MTHFD2L: variants seen among roughly 807,000 people sequenced by gnomAD.
MTHFD2L encodes methylenetetrahydrofolate dehydrogenase (NADP+ dependent) 2 like.
A neutral mutation model predicts 34.9 loss-of-function variants in MTHFD2L; 29 were observed. The observed-to-expected ratio is 0.83, with a 90% CI of 0.62 to 1.13. The LOEUF is 1.13. MTHFD2L is among the 50% of genes most tolerant of loss of function. The pLI, the probability that MTHFD2L is intolerant of heterozygous loss-of-function variation, is 0.00. For missense variants in MTHFD2L, 481 were observed against 446.5 expected (o/e 1.08, Z -0.70); for synonymous variants, 167 against 155.7 (o/e 1.07, Z -0.54).
chr4:74,133,436 C>T (rs1242924112), intron 1 of MTHFD2L, among the ~76,000 whole-genome samples: 4 of 152,074 alleles, frequency 2.6e-5, no homozygotes, highest in Non-Finnish European at 5.9e-5. Flanking sequence ...CCCTTAAACA[C>T]CAATAATTTT....
At chr4:74,178,428 CTG>C in intron 3 of MTHFD2L, among the ~76,000 whole-genome samples, 1 of 151,954 alleles carries the variant, frequency 6.6e-6, no homozygotes, top group East Asian at 1.9e-4. Context: ...GATTTTATAT[CTG>C]TAGAAATTTT....
At chr4:74,147,601 G>A (rs1327010638) in intron 1 of MTHFD2L, among the ~76,000 whole-genome samples, 1 of 152,136 alleles carries the variant, frequency 6.6e-6, no homozygotes, top group Non-Finnish European at 1.5e-5. Context: ...GTCCTGCCAG[G>A]GAATCCAAGA....
intron 3 of MTHFD2L, among the ~76,000 whole-genome samples, chr4:74,180,288 A>G (rs1435889469): frequency 4.6e-5 from 7 of 152,268 alleles, no homozygotes; most frequent in African/African-American, 1.4e-4. Context: ...GTATAGAAGT[A>G]GATGAATACA....
chr4:74,172,946 G>A (rs763055216), intron 1 of MTHFD2L, among the ~76,000 whole-genome samples: 14 of 152,032 alleles, frequency 9.2e-5, no homozygotes, highest in South Asian at 4.2e-4. Context: ...GTGTGTTGTC[G>A]GATATTTATA....
At chr4:74,279,755 A>G (rs1747186576) in intron 6 of MTHFD2L, among the ~76,000 whole-genome samples, 1 of 152,134 alleles carries the variant, frequency 6.6e-6, no homozygotes, top group African/African-American at 2.4e-5. Flanking sequence ...TTTTATGACT[A>G]TCTGGAGCAA....
At chr4:74,252,589 A>G (rs1479837606) in intron 6 of MTHFD2L, among the ~76,000 whole-genome samples, 1 of 152,200 alleles carries the variant, frequency 6.6e-6, no homozygotes, top group Non-Finnish European at 1.5e-5. Context: ...ATTAATTAGA[A>G]ATATTTAAAA....
upstream of MTHFD2L, among the ~76,000 whole-genome samples, chr4:74,125,142 G>A (rs745459387): frequency 9.2e-5 from 14 of 152,110 alleles, no homozygotes; most frequent in East Asian, 1.9e-4. Flanking sequence ...AGAAAGTTTC[G>A]AAAATGATAA....
chr4:74,293,126 A>G lies in MTHFD2L; in HGVS notation c.932-8571A>G, dbSNP rs139089062. ...TTTGTTACATAGGTATACAAGTGTC[A>G]TGGTGGTTGGCTGCACCCATCAACC... is the stretch of plus-strand genomic sequence containing the variant. On this transcript the variant is annotated intron_variant, in intron 7 of 7. Transcript: ENST00000325278. Among the ~76,000 whole-genome samples, 523 of 152,230 alleles carry G rather than the reference A, an allele frequency of 3.4e-3. 4 individuals are homozygous for G. Among genetic ancestry groups the G allele is most frequent in the African/African-American group, 0.012 (499 of 41,544 alleles).
intron 3 of MTHFD2L, among the ~76,000 whole-genome samples, chr4:74,191,230 C>T (rs1196302461): frequency 6.6e-6 from 1 of 152,062 alleles, no homozygotes; most frequent in Non-Finnish European, 1.5e-5. Context: ...CTTATATATT[C>T]TAAACCCCTA....
upstream of MTHFD2L, among the ~76,000 whole-genome samples, chr4:74,120,075 G>C (rs538312012): frequency 6.6e-6 from 1 of 152,174 alleles, no homozygotes; most frequent in Admixed American, 6.5e-5. Context: ...CATATCATTC[G>C]TAGTGGCTAA....
At chr4:74,150,414 C>T (rs1429359509) in intron 1 of MTHFD2L, among the ~76,000 whole-genome samples, 1 of 152,138 alleles carries the variant, frequency 6.6e-6, no homozygotes, top group Admixed American at 6.5e-5. Context: ...CCACCATGCC[C>T]AGCTAATTTT....
intron 1 of MTHFD2L, among the ~76,000 whole-genome samples, chr4:74,158,880 A>G (rs1724784135): frequency 6.6e-6 from 1 of 152,208 alleles, no homozygotes; most frequent in South Asian, 2.1e-4. Flanking sequence ...TGCAAATACA[A>G]CAGGGTACGC....
chr4:74,147,259 T>C (rs1215823777), intron 1 of MTHFD2L, among the ~76,000 whole-genome samples: 1 of 152,174 alleles, frequency 6.6e-6, no homozygotes, highest in Non-Finnish European at 1.5e-5. Context: ...CAGTAAGTCA[T>C]TGTCTCCTTT....
chr4:74,297,960 C>T (rs576354195), intron 7 of MTHFD2L, among the ~76,000 whole-genome samples: 1 of 152,186 alleles, frequency 6.6e-6, no homozygotes, highest in African/African-American at 2.4e-5. Flanking sequence ...ACTTCTGTAT[C>T]CTGATCCTTA....
chr4:74,126,873 T>C (rs1299661607), intron 1 of MTHFD2L, among the ~76,000 whole-genome samples: 1 of 152,114 alleles, frequency 6.6e-6, no homozygotes. Context: ...CCCATCCAAA[T>C]CTCATCTTGA....
chr4:74,276,179 G>C (rs1290660768), intron 6 of MTHFD2L, among the ~76,000 whole-genome samples: 1 of 152,090 alleles, frequency 6.6e-6, no homozygotes, highest in Non-Finnish European at 1.5e-5. Context: ...AGAATCAGCT[G>C]TTTGATGCTA....
intron 3 of MTHFD2L, among the ~76,000 whole-genome samples, chr4:74,186,269 A>T (rs1731217138): frequency 6.6e-6 from 1 of 152,062 alleles, no homozygotes; most frequent in East Asian, 1.9e-4. Context: ...TATAGGCAAC[A>T]TCATAATTGA....
intron 6 of MTHFD2L, among the ~76,000 whole-genome samples, chr4:74,261,196 G>C (rs1560539792): frequency 6.6e-6 from 1 of 151,866 alleles, no homozygotes; most frequent in Non-Finnish European, 1.5e-5. Context: ...GAGACGAGGT[G>C]GTGTTCTTTG....
chr4:74,233,695 C>T (rs1430644999), intron 6 of MTHFD2L, among the ~76,000 whole-genome samples: 1 of 152,060 alleles, frequency 6.6e-6, no homozygotes, highest in African/African-American at 2.4e-5. Flanking sequence ...TGTTTCCTTG[C>T]TCGTTAGCCT....
Sources: allele counts gnomAD v4.1 joint callset (sites outside exome capture counted in the v4.1 genomes callset), GRCh38; gene constraint gnomAD v4.1.1; transcripts MANE v1.5; gene names NCBI Gene and HGNC (gene_info 2026-07-23, HGNC 2026-07-21).